Variants in CPA4 observed in about 807,000 individuals in gnomAD.
CPA4 encodes the protein carboxypeptidase A3.
Under a neutral mutation model 54.7 loss-of-function variants are expected in CPA4, and 49 were observed. That is an observed-to-expected ratio of 0.90 (90% CI 0.71 to 1.14). The LOEUF is 1.14. Among genes scored for constraint, CPA4 ranks in the 50% most tolerant of loss-of-function variants. The probability of loss-of-function intolerance (pLI) is 0.00; values close to 1 mark genes in which losing one functional copy is unlikely to be tolerated. For missense variants in CPA4, 487 were observed against 525.1 expected, an observed-to-expected ratio of 0.93 and a Z score of 0.71; for synonymous variants, 215 against 206.8, an observed-to-expected ratio of 1.04 and a Z score of -0.34.
In CPA4 at chr7:130,299,279, T is replaced by A; in HGVS notation, c.160T>A (p.Trp54Arg). The stretch of plus-strand genomic sequence containing the variant: ...TTTCTGTTCCCTTCAGCTCAATTTC[T>A]GGAAATCTCCCTCCTCCTTCAATCG... ...VNSNNLKLNF[W>R]KSPSSFNRPV... is the part of the protein sequence containing the mutation. Residue 54 changes from tryptophan to arginine, a missense_variant, in exon 3 of 11, where the codon TGG (tryptophan) becomes AGG (arginine). Physicochemically the swap from Trp to Arg is moderately radical, Grantham distance 101. Transcript: ENST00000222482. The A allele has an allele frequency of 6.2e-7, 1 of 1,614,056 alleles. No individual in the cohort carries two copies. The highest frequency in any genetic ancestry group is 1.3e-5 in the African/African-American group (1 of 75,074).
At chr7:130,307,005 C>T in intron 7 of CPA4, 108 bp downstream of exon 7, 1 of 707,150 alleles carries the variant, frequency 1.4e-6, no homozygotes, top group South Asian at 1.5e-5. Context: ...TTATGAGCTT[C>T]CTTGGGATTT....
intron 1 of CPA4, among the ~76,000 whole-genome samples, chr7:130,296,485 T>C (rs1003937379): frequency 2.6e-5 from 4 of 152,150 alleles, no homozygotes; most frequent in Non-Finnish European, 5.9e-5. Flanking sequence ...CTAAAACGCA[T>C]GTGTTGGGTG....
intron 10 of CPA4, among the ~76,000 whole-genome samples, chr7:130,316,928 A>AT (rs1491548512): frequency 6.8e-6 from 1 of 147,078 alleles, no homozygotes; most frequent in Non-Finnish European, 1.5e-5. Flanking sequence ...AAAAAAAAAA[A>AT]TTGAAGATAA....
At chr7:130,294,622 G>C (rs1158563947) in intron 1 of CPA4, among the ~76,000 whole-genome samples, 5 of 152,190 alleles carry the variant, frequency 3.3e-5, no homozygotes, top group Non-Finnish European at 7.3e-5. Flanking sequence ...TGGGCACCTG[G>C]GCTGCGACAG....
rs1400467707 is a variant in CPA4 at position 130,323,572 on chromosome 7, T to G, written c.*896T>G. 6.6e-6 allele frequency: 1 copy of G among 152,228 alleles called. No individual in the cohort carries two copies. The highest frequency in any genetic ancestry group is 1.9e-4 in the East Asian group (1 of 5,202). 9.4% of individuals were successfully genotyped at this position (152,228 alleles called of 1,614,324 possible). ...AAAGTAGAAGATCACTTTCCTTCAC[T>G]GTGCTGAGAATTTCTAGATACTACA... On this transcript the variant is annotated 3_prime_UTR_variant, in exon 11 of 11. Coordinates refer to ENST00000222482, the MANE Select transcript of CPA4 (RefSeq NM_016352.4).
At position 130,322,520 on chromosome 7, in the gene CPA4, A is replaced by G. The variant is rs1569133; in HGVS notation, c.1110A>G (p.Ala370=). The G allele has an allele frequency of 1, 1,606,915 of 1,614,054 alleles. 800,172 individuals are homozygous for G. Among genetic ancestry groups the G allele is most frequent in the East Asian group, 1 (44,861 of 44,866 alleles). The change falls in exon 11 of 11, where the codon GCA becomes GCG. Residue 370 remains alanine (A), a synonymous_variant. Transcript: ENST00000222482. Reference sequence around the variant, plus strand: ...CTAGCGGGAGCAGCATCGACTGGGCATATGACAACGGCATCAAATTTGCAT... The same window carrying G: ...CTAGCGGGAGCAGCATCGACTGGGCGTATGACAACGGCATCAAATTTGCAT... ...YPASGSSIDW[A]YDNGIKFAFT...
intron 8 of CPA4, among the ~76,000 whole-genome samples, chr7:130,308,650 T>G (rs1046731866): frequency 1.3e-5 from 2 of 149,688 alleles, no homozygotes; most frequent in Non-Finnish European, 3.0e-5. Flanking sequence ...CTCTGCCTCC[T>G]GGGTTCAAGT....
intron 2 of CPA4, 115 bp from the exon 3 acceptor site, chr7:130,299,155 A>C (rs1793700644): frequency 8.8e-7 from 1 of 1,142,352 alleles, no homozygotes; most frequent in South Asian, 1.4e-5. Context: ...GCCCTTGGGC[A>C]GAGCCTAGCC....
chr7:130,316,065 T>TA (rs898111986), intron 10 of CPA4, among the ~76,000 whole-genome samples: 17 of 152,234 alleles, frequency 1.1e-4, no homozygotes, highest in South Asian at 4.2e-4. Context: ...GTGTTTAGGA[T>TA]AAAAGGAGGG....
At chr7:130,316,290 C>T (rs1793985985) in intron 10 of CPA4, among the ~76,000 whole-genome samples, 1 of 152,200 alleles carries the variant, frequency 6.6e-6, no homozygotes, top group Non-Finnish European at 1.5e-5. Context: ...GATAGCCCTG[C>T]TTGCTCCAAA....
At position 130,310,670 on chromosome 7, in the gene CPA4, C is replaced by T. The variant is rs990727047; in HGVS notation, c.794-117C>T. On this transcript the variant is annotated intron_variant, in intron 8 of 10. Transcript: ENST00000222482. This position sits in a 1 kb window ranked among gnomAD's most constrained non-coding sequence, Gnocchi z 4.3. ...CCACCATGGACTAGGTGCTCTGGGC[C>T]GTCTCGCCATGGCCTGCCCATTCCC... The T allele has an allele frequency of 2.5e-5, 21 of 855,008 alleles. No individual in the cohort carries two copies. The highest frequency in any genetic ancestry group is 6.2e-5 in the Admixed American group (3 of 48,016). 53.0% of individuals were successfully genotyped at this position (855,008 alleles called of 1,614,324 possible).
Position 130,323,895 on chromosome 7 carries a change from T to TTGTGTG in CPA4, c.*1255_*1260dup, listed in dbSNP as rs57842029. ...GTATCCTGTGTTTCCTTGTCCTGGT[T>TTGTGTG]TGTGTGTGTGTGTGTGTGTGTGTGT... is the stretch of plus-strand genomic sequence containing the variant. On this transcript the variant is annotated 3_prime_UTR_variant, in exon 11 of 11. Coordinates refer to ENST00000222482, the MANE Select transcript of CPA4 (RefSeq NM_016352.4). 1,630 of 145,204 alleles carry TTGTGTG rather than the reference T, an allele frequency of 0.011. 15 individuals carry two copies. Among genetic ancestry groups the TTGTGTG allele is most frequent in the South Asian group, 0.022 (96 of 4,426 alleles). The allele number at this position is 145,204 out of a possible 1,614,324, so 9.0% of individuals were successfully genotyped here. A position where few individuals can be genotyped will look rare whatever the true frequency, so the allele number is the denominator to read the frequency against.
At position 130,310,816 on chromosome 7, in the gene CPA4, G is replaced by A. The variant is rs141258597; in HGVS notation, c.823G>A (p.Glu275Lys). ...GGGAGCCAGCGACAACCCTTGCTCC[G>A]AAGTGTACCATGGACCCCACGCCAA... is the stretch of plus-strand genomic sequence containing the variant. ...GKGASDNPCSEVYHGPHANSE... is the reference protein window; with the variant it reads ...GKGASDNPCSKVYHGPHANSE... The change falls in exon 9 of 11, where the codon GAA becomes AAA. Residue 275 changes from glutamate (E) to lysine (K), a missense_variant. Glu to Lys is a moderately conservative substitution (Grantham distance 56, BLOSUM62 1). Transcript: ENST00000222482. This position sits in a 1 kb window ranked among gnomAD's most constrained non-coding sequence, Gnocchi z 4.3. 399 of 1,614,202 alleles carry A rather than the reference G, an allele frequency of 2.5e-4. 3 individuals carry two copies. The highest frequency in any genetic ancestry group is 1.7e-3 in the South Asian group (158 of 91,084).
chr7:130,295,951 C>T (rs933720540), intron 1 of CPA4, among the ~76,000 whole-genome samples: 13 of 152,166 alleles, frequency 8.5e-5, no homozygotes, highest in Admixed American at 2.0e-4. Context: ...TGCACTCCAG[C>T]CTGGGCAAGG....
intron 6 of CPA4, 124 bp from the exon 7 acceptor site, chr7:130,306,663 G>T (rs775570964): frequency 6.0e-5 from 38 of 630,216 alleles, no homozygotes; most frequent in Non-Finnish European, 9.5e-5. Flanking sequence ...GGCTTTTGAG[G>T]GTGGATGCTG....
chr7:130,308,778 C>T (rs569995683), intron 8 of CPA4, among the ~76,000 whole-genome samples: 1 of 151,138 alleles, frequency 6.6e-6, no homozygotes, highest in Non-Finnish European at 1.5e-5. Flanking sequence ...GTTTTGATCT[C>T]CTGACCTCAT....
chr7:130,302,358 A>G (rs2117138606), intron 4 of CPA4, among the ~76,000 whole-genome samples: 1 of 152,160 alleles, frequency 6.6e-6, no homozygotes, highest in South Asian at 2.1e-4. Context: ...GCGTGGTGGC[A>G]GGCACCTGTA....
At chr7:130,295,191 T>G (rs1320334401) in intron 1 of CPA4, among the ~76,000 whole-genome samples, 4 of 152,206 alleles carry the variant, frequency 2.6e-5, no homozygotes, top group Non-Finnish European at 5.9e-5. Context: ...CTGCTAAGCC[T>G]GGCTAGGGAG....
rs1451630006 is a variant in CPA4 at position 130,310,020 on chromosome 7, G to T, written c.794-767G>T. Among the ~76,000 whole-genome samples, 1 of 152,212 alleles carries T rather than the reference G, an allele frequency of 6.6e-6. No individual in the cohort carries two copies. The highest frequency in any genetic ancestry group is 2.4e-5 in the African/African-American group (1 of 41,458). ...GGGCTTAAGTGATCCTTCCACCTCA[G>T]CCTCTCAAAGTGCTGGGATTATAGA... On this transcript the variant is annotated intron_variant, in intron 8 of 10. Transcript: ENST00000222482. This position sits in a 1 kb window ranked among gnomAD's most constrained non-coding sequence, Gnocchi z 4.3.
Sources: gnomAD v4.1 joint callset for allele counts (sites outside exome capture counted in the v4.1 genomes callset) on GRCh38, gnomAD v4.1.1 for gene constraint, Gnocchi (gnomAD v3.1) non-coding constraint, MANE v1.5 for transcripts, NCBI Gene and HGNC (gene_info 2026-07-23, HGNC 2026-07-21) for gene names.